AFAP1: variants seen among roughly 807,000 people sequenced by gnomAD.
AFAP1 encodes actin filament-associated protein 1.
Under a neutral mutation model 93.9 loss-of-function variants are expected in AFAP1, and 75 were observed. The ratio of observed to expected loss-of-function variants is 0.80; its 90% CI spans 0.66 to 0.97. The LOEUF is 0.97. AFAP1 is among the 50% of genes least tolerant of loss of function. The probability of loss-of-function intolerance (pLI) is 0.00; values close to 1 mark genes in which losing one functional copy is unlikely to be tolerated. For synonymous variants in AFAP1, 517 were observed against 430.7 expected, an observed-to-expected ratio of 1.20 and a Z score of -2.48; for missense variants, 1,201 against 1,050.8, an observed-to-expected ratio of 1.14 and a Z score of -1.98.
intron 1 of AFAP1, among the ~76,000 whole-genome samples, chr4:7,893,580 C>A (rs868623768): frequency 6.9e-3 from 731 of 106,122 alleles, no homozygotes; most frequent in Middle Eastern, 8.7e-3. Flanking sequence ...GACTCTGTCT[C>A]AAAAAAAAAA....
chr4:7,918,059 C>T (rs145304470), intron 1 of AFAP1, among the ~76,000 whole-genome samples: 151 of 152,316 alleles, frequency 9.9e-4, no homozygotes, highest in African/African-American at 3.6e-3. Context: ...TAGTGCACAG[C>T]CCCCTAGAAA....
At chr4:7,815,956 T>C (rs1408882356) in intron 8 of AFAP1, 62 bp downstream of exon 8, 28 of 1,441,770 alleles carry the variant, frequency 1.9e-5, no homozygotes, top group African/African-American at 2.9e-5. Context: ...AACCTGGCTG[T>C]AGATTTTTGT....
At chr4:7,893,352 G>A (rs948532932) in intron 1 of AFAP1, among the ~76,000 whole-genome samples, 18 of 152,114 alleles carry the variant, frequency 1.2e-4, no homozygotes, top group African/African-American at 1.7e-4. Flanking sequence ...AGGCCGAGGC[G>A]GGCGGATCAC....
Position 7,939,628 on chromosome 4 carries a change from G to T in AFAP1, c.-3+28C>A, listed in dbSNP as rs927945841. On this transcript the variant is annotated intron_variant, in intron 1 of 17. Coordinates refer to ENST00000420658, the MANE Select transcript of AFAP1 (RefSeq NM_001134647.2). This position sits in a 1 kb window ranked among gnomAD's most constrained non-coding sequence, Gnocchi z 5.6. ...GGCAGAGACCCCCGCCGGGTCCGGA[G>T]ACCCTGCCGCCAGTCGCGCCGTCTC... The T allele has an allele frequency of 2.4e-6, 1 of 415,026 alleles. No individual in the cohort carries two copies. The highest frequency in any genetic ancestry group is 1.7e-5 in the South Asian group (1 of 60,588). 25.7% of individuals were successfully genotyped at this position (415,026 alleles called of 1,614,324 possible). A position where few individuals can be genotyped will look rare whatever the true frequency, so the allele number is the denominator to read the frequency against.
chr4:7,871,619 A>C (rs1717055665), intron 2 of AFAP1, among the ~76,000 whole-genome samples: 1 of 152,172 alleles, frequency 6.6e-6, no homozygotes, highest in Non-Finnish European at 1.5e-5. Flanking sequence ...CGGACTGTGC[A>C]TCCTCACTAC....
intron 1 of AFAP1, among the ~76,000 whole-genome samples, chr4:7,930,033 G>A (rs1320845610): frequency 6.6e-6 from 1 of 152,212 alleles, no homozygotes; most frequent in Non-Finnish European, 1.5e-5. Flanking sequence ...ATGTGACCTT[G>A]AGCAAGTTAC....
At chr4:7,854,246 C>T (rs1164699280) in intron 4 of AFAP1, among the ~76,000 whole-genome samples, 2 of 152,136 alleles carry the variant, frequency 1.3e-5, no homozygotes, top group Middle Eastern at 3.2e-3. Flanking sequence ...TTCTCAAAAT[C>T]GAAAAATCCA....
chr4:7,901,878 C>A (rs1719133592), intron 1 of AFAP1, among the ~76,000 whole-genome samples: 1 of 152,176 alleles, frequency 6.6e-6, no homozygotes, highest in Non-Finnish European at 1.5e-5. Flanking sequence ...ATCTAGAAAA[C>A]CAACTTCTGT....
At chr4:7,910,322 C>T (rs778262141) in intron 1 of AFAP1, among the ~76,000 whole-genome samples, 47 of 152,168 alleles carry the variant, frequency 3.1e-4, no homozygotes, top group African/African-American at 7.2e-5. Flanking sequence ...TGCTACCAAC[C>T]GGCCTGGTCA....
chr4:7,804,488 A>C (rs1462226680), intron 9 of AFAP1, among the ~76,000 whole-genome samples: 1 of 36,260 alleles, frequency 2.8e-5, no homozygotes, highest in Non-Finnish European at 5.2e-5. Context: ...CATGCTAGAA[A>C]TAGAAAACTA....
intron 1 of AFAP1, among the ~76,000 whole-genome samples, chr4:7,903,346 C>T (rs1398657125): frequency 1.3e-5 from 2 of 152,178 alleles, no homozygotes; most frequent in Admixed American, 6.5e-5. Flanking sequence ...AAGAAGAATA[C>T]CCCTAGCCAC....
intron 4 of AFAP1, among the ~76,000 whole-genome samples, chr4:7,854,199 A>G (rs1714777243): frequency 6.6e-6 from 1 of 152,252 alleles, no homozygotes; most frequent in South Asian, 2.1e-4. Flanking sequence ...TTTGTTTTCT[A>G]ATTAATCTAC....
In AFAP1 at chr4:7,761,888, C is replaced by T. The variant is rs1303597872; in HGVS notation, c.*1877G>A. 1 of 152,340 alleles carries T rather than the reference C, an allele frequency of 6.6e-6. No homozygotes were observed. Among genetic ancestry groups the T allele is most frequent in the East Asian group, 1.9e-4 (1 of 5,186 alleles). 9.4% of individuals were successfully genotyped at this position (152,340 alleles called of 1,614,324 possible). A position where few individuals can be genotyped will look rare whatever the true frequency, so the allele number is the denominator to read the frequency against. ...CGGACGGCCCTGAGGTGTGTGGCGT[C>T]CCCGCCCGACCTGCCTGGATGTCCT... On this transcript the variant is annotated 3_prime_UTR_variant, in exon 18 of 18. Transcript: ENST00000420658.
chr4:7,864,563 G>C (rs1716197075), intron 3 of AFAP1, among the ~76,000 whole-genome samples: 1 of 152,178 alleles, frequency 6.6e-6, no homozygotes, highest in African/African-American at 2.4e-5. Context: ...GTTGACAGCT[G>C]TTCTCTATTC....
chr4:7,823,644 T>TAATC (rs1465525551), intron 6 of AFAP1, among the ~76,000 whole-genome samples: 1 of 152,160 alleles, frequency 6.6e-6, no homozygotes, highest in Non-Finnish European at 1.5e-5. Flanking sequence ...GCACCTCACG[T>TAATC]AATCGCCTTT....
intron 1 of AFAP1, among the ~76,000 whole-genome samples, chr4:7,902,507 T>A (rs1227942740): frequency 1.3e-5 from 2 of 152,150 alleles, no homozygotes; most frequent in South Asian, 4.1e-4. Context: ...TAGGTTTGAT[T>A]TTTTTCCCCT....
chr4:7,769,013 A>G lies in AFAP1; in HGVS notation c.2254-5T>C. The G allele has an allele frequency of 6.2e-7, 1 of 1,600,258 alleles. No homozygotes were observed. The highest frequency in any genetic ancestry group is 8.5e-7 in the Non-Finnish European group (1 of 1,169,762). On this transcript the variant is annotated splice_region_variant and splice_polypyrimidine_tract_variant and intron_variant, in intron 16 of 17. Coordinates refer to ENST00000420658, the MANE Select transcript of AFAP1 (RefSeq NM_001134647.2). ...CCGGTGCCGGAACACTGGAGACTTA[A>G]CGGAGAGAGAGAACCCCATGTGATG...
Position 7,838,702 on chromosome 4 carries a change from C to T in AFAP1, c.548G>A (p.Cys183Tyr). The change falls in exon 6 of 18, where the codon TGC (cysteine) becomes TAC (tyrosine). Residue 183 changes from cysteine (C) to tyrosine (Y), a missense_variant and splice_region_variant. Transcript: ENST00000420658. ...CTGCTGGTCCTTGGAACTTTTATAGCACTGCATTCAACACAACAAATCAAC... is the reference window on the plus strand; with the variant it reads ...CTGCTGGTCCTTGGAACTTTTATAGTACTGCATTCAACACAACAAATCAAC... The part of the protein sequence containing the change: ...LCVIKDTKLL[C>Y]YKSSKDQQPQ... 6.2e-7 allele frequency: 1 copy of T among 1,613,864 alleles called. No individual in the cohort carries two copies. The highest frequency in any genetic ancestry group is 8.5e-7 in the Non-Finnish European group (1 of 1,179,902).
chr4:7,863,132 A>G (rs1715936199), intron 3 of AFAP1, among the ~76,000 whole-genome samples: 1 of 152,224 alleles, frequency 6.6e-6, no homozygotes, highest in South Asian at 2.1e-4. Flanking sequence ...AATCTTTTGA[A>G]AAGCCAGGCG....
Sources: allele counts gnomAD v4.1 joint callset (sites outside exome capture counted in the v4.1 genomes callset), GRCh38; gene constraint gnomAD v4.1.1; non-coding constraint Gnocchi (gnomAD v3.1); transcripts MANE v1.5; gene names NCBI Gene and HGNC (gene_info 2026-07-23, HGNC 2026-07-21).